DLG2: variants seen among roughly 807,000 people sequenced by gnomAD.
DLG2 encodes discs large MAGUK scaffold protein 2.
DLG2 carries 45 observed loss-of-function variants against 132.5 expected under a neutral mutation model. The observed-to-expected ratio is 0.34, with a 90% CI of 0.27 to 0.44. The LOEUF is 0.44. DLG2 is among the 20% of genes least tolerant of loss of function. The probability of loss-of-function intolerance (pLI) is 1.00; values close to 1 mark genes in which losing one functional copy is unlikely to be tolerated. For synonymous variants in DLG2, 424 were observed against 419.6 expected (o/e 1.01, Z -0.13); for missense variants, 1,045 against 1,196.9 (o/e 0.87, Z 1.87).
chr11:84,746,378 A>G (rs2065363889), intron 6 of DLG2, among the ~76,000 whole-genome samples: 1 of 152,010 alleles, frequency 6.6e-6, no homozygotes, highest in Non-Finnish European at 1.5e-5. Flanking sequence ...ATTATTTTAC[A>G]TTTGAAATTA....
At chr11:84,459,692 T>C (rs2099075194) in intron 7 of DLG2, among the ~76,000 whole-genome samples, 1 of 150,704 alleles carries the variant, frequency 6.6e-6, no homozygotes, top group South Asian at 2.1e-4. Context: ...GAGTTATTTC[T>C]AGGTAGGTTG....
intron 6 of DLG2, among the ~76,000 whole-genome samples, chr11:84,733,269 T>C (rs9735760): frequency 0.015 from 2,281 of 151,938 alleles, 69 homozygotes; most frequent in African/African-American, 0.052. Flanking sequence ...AGTGTAAGAG[T>C]GTTCCTATTT....
intron 7 of DLG2, among the ~76,000 whole-genome samples, chr11:84,263,068 G>C (rs940764996): frequency 6.6e-6 from 1 of 152,138 alleles, no homozygotes; most frequent in African/African-American, 2.4e-5. Context: ...GGAGATCTTA[G>C]TTTCAGACCC....
At chr11:84,888,360 G>A (rs2088704589) in intron 6 of DLG2, among the ~76,000 whole-genome samples, 1 of 152,074 alleles carries the variant, frequency 6.6e-6, no homozygotes, top group Non-Finnish European at 1.5e-5. Context: ...TTCTTGAGCT[G>A]GGCTATCTAT....
At chr11:84,293,146 G>C (rs967683749) in intron 7 of DLG2, among the ~76,000 whole-genome samples, 3 of 151,938 alleles carry the variant, frequency 2.0e-5, no homozygotes, top group African/African-American at 7.2e-5. Context: ...TGTGTGTCGG[G>C]TGTGGGGGTG....
intron 7 of DLG2, among the ~76,000 whole-genome samples, chr11:84,335,418 AG>A (rs2098479912): frequency 6.6e-6 from 1 of 152,188 alleles, no homozygotes; most frequent in Admixed American, 6.5e-5. Flanking sequence ...TTTGATAGTA[AG>A]GTCATGCCCC....
intron 10 of DLG2, among the ~76,000 whole-genome samples, chr11:84,063,193 T>C (rs2096618502): frequency 6.6e-6 from 1 of 152,208 alleles, no homozygotes; most frequent in Non-Finnish European, 1.5e-5. Flanking sequence ...GTTTCACTCT[T>C]AGTACTTGAT....
intron 8 of DLG2, among the ~76,000 whole-genome samples, chr11:84,239,059 A>G (rs2097194288): frequency 6.6e-6 from 1 of 152,204 alleles, no homozygotes; most frequent in African/African-American, 2.4e-5. Context: ...TCAAATAAAA[A>G]TTCACTCTAT....
intron 6 of DLG2, among the ~76,000 whole-genome samples, chr11:84,549,541 G>C (rs1367844284): frequency 1.3e-5 from 2 of 152,214 alleles, no homozygotes; most frequent in African/African-American, 4.8e-5. Context: ...TCAGTTCCTG[G>C]GTTTAAATCC....
intron 10 of DLG2, among the ~76,000 whole-genome samples, chr11:84,077,757 A>G (rs2096848943): frequency 6.6e-6 from 1 of 152,182 alleles, no homozygotes; most frequent in South Asian, 2.1e-4. Context: ...ATATTAATAA[A>G]CAATATCTTC....
Position 83,980,635 on chromosome 11 carries a change from G to C in DLG2, c.927C>G (p.Gly309=), listed in dbSNP as rs763303918. ...TCCCCACACCTCCTGCAATACTGAA[G>C]CCTAAACCTATAAGAAAGGAACAGA... ...IKLFKGPKGL[G]FSIAGGVGNQ... Residue 309 remains glycine, a synonymous_variant, in exon 12 of 28, where the codon GGC becomes GGG. Coordinates refer to ENST00000376104, the MANE Select transcript of DLG2 (RefSeq NM_001142699.3). The C allele has an allele frequency of 6.4e-5, 103 of 1,598,612 alleles. No homozygotes were observed. Among genetic ancestry groups the C allele is most frequent in the Admixed American group, 3.6e-5 (2 of 56,132 alleles).
At chr11:83,777,248 G>A (rs2094616957) in intron 18 of DLG2, among the ~76,000 whole-genome samples, 1 of 152,160 alleles carries the variant, frequency 6.6e-6, no homozygotes, top group Non-Finnish European at 1.5e-5. Flanking sequence ...GAAGCTAAGA[G>A]GAGAATAAGA....
At chr11:83,897,530 T>A (rs968731180) in intron 15 of DLG2, among the ~76,000 whole-genome samples, 2 of 152,218 alleles carry the variant, frequency 1.3e-5, no homozygotes, top group African/African-American at 4.8e-5. Context: ...TTTCTTTGAA[T>A]CTCTGCTCTC....
At chr11:84,708,410 T>G (rs2060004147) in intron 6 of DLG2, among the ~76,000 whole-genome samples, 1 of 151,918 alleles carries the variant, frequency 6.6e-6, no homozygotes, top group Admixed American at 6.6e-5. Flanking sequence ...ACAATCCCCA[T>G]TTTTAGTCTC....
chr11:85,348,466 G>A (rs984452823), intron 3 of DLG2, among the ~76,000 whole-genome samples: 3 of 151,520 alleles, frequency 2.0e-5, no homozygotes, highest in Admixed American at 6.6e-5. Flanking sequence ...CTCGTGATCC[G>A]CCCGCCTCGA....
chr11:84,887,564 C>A (rs908125030), intron 6 of DLG2: 2 of 152,094 alleles, frequency 1.3e-5, no homozygotes, highest in African/African-American at 2.4e-5. Flanking sequence ...GGTGACATCA[C>A]GCTAATATTT....
chr11:84,482,214 A>C (rs928395302), intron 7 of DLG2, among the ~76,000 whole-genome samples: 2 of 152,212 alleles, frequency 1.3e-5, no homozygotes, highest in African/African-American at 4.8e-5. Context: ...AAATAAGCAA[A>C]AAAGAATAAA....
chr11:85,192,682 A>G (rs143220634), intron 4 of DLG2, among the ~76,000 whole-genome samples: 3,028 of 152,332 alleles, frequency 0.02, 58 homozygotes, highest in Admixed American at 0.037. Flanking sequence ...ATTATAATAA[A>G]TCACCAAATC....
chr11:84,242,029 T>C (rs1366323034), intron 8 of DLG2, among the ~76,000 whole-genome samples: 1 of 152,214 alleles, frequency 6.6e-6, no homozygotes, highest in Non-Finnish European at 1.5e-5. Context: ...CCCCTTGTTC[T>C]TAAAAGTGCT....
Sources: gnomAD v4.1 joint callset for allele counts (sites outside exome capture counted in the v4.1 genomes callset) on GRCh38, gnomAD v4.1.1 for gene constraint, MANE v1.5 for transcripts, NCBI Gene and HGNC (gene_info 2026-07-23, HGNC 2026-07-21) for gene names.